KIAA0825: variants seen among roughly 807,000 people sequenced by gnomAD.
KIAA0825 encodes KIAA0825.
Under a neutral mutation model 147.6 loss-of-function variants are expected in KIAA0825, and 119 were observed. The observed-to-expected ratio is 0.81, with a 90% confidence interval of 0.69 to 0.94. KIAA0825 has a LOEUF of 0.94. Among genes scored for constraint, KIAA0825 ranks in the 40% least tolerant of loss-of-function variants. KIAA0825 has a pLI of 0.00. For synonymous variants in KIAA0825, 470 were observed against 518.1 expected, an observed-to-expected ratio of 0.91 and a Z score of 1.26; for missense variants, 1,381 against 1,472.7, an observed-to-expected ratio of 0.94 and a Z score of 1.02.
intron 20 of KIAA0825, among the ~76,000 whole-genome samples, chr5:94,284,944 A>G (rs1777606178): frequency 6.6e-6 from 1 of 152,114 alleles, no homozygotes; most frequent in Non-Finnish European, 1.5e-5. Flanking sequence ...TCAATTTCTG[A>G]TACAGAACTG....
intron 13 of KIAA0825, among the ~76,000 whole-genome samples, chr5:94,442,836 T>C (rs763109857): frequency 3.9e-5 from 6 of 152,240 alleles, no homozygotes; most frequent in East Asian, 1.9e-4. Context: ...CTTTGAGAGA[T>C]AGTCTGAAGA....
intron 20 of KIAA0825, among the ~76,000 whole-genome samples, chr5:94,163,671 G>A (rs1223089882): frequency 1.3e-5 from 2 of 151,948 alleles, no homozygotes; most frequent in Non-Finnish European, 2.9e-5. Context: ...TTTCCATTCT[G>A]GTTAATGTAA....
chr5:94,442,573 G>T (rs1219294307), intron 13 of KIAA0825, among the ~76,000 whole-genome samples: 1 of 152,088 alleles, frequency 6.6e-6, no homozygotes, highest in Non-Finnish European at 1.5e-5. Flanking sequence ...GAGCCCTTTG[G>T]ACTAAAAATC....
chr5:94,610,114 G>A (rs1457166523), intron 1 of KIAA0825, among the ~76,000 whole-genome samples: 1 of 152,152 alleles, frequency 6.6e-6, no homozygotes, highest in African/African-American at 2.4e-5. Context: ...AAGTCAAGGA[G>A]GACGGGTAAA....
chr5:94,340,736 ATACCTGTCTAACTTGAAGTAT>A (rs1458678270), intron 20 of KIAA0825, among the ~76,000 whole-genome samples: 4 of 152,254 alleles, frequency 2.6e-5, no homozygotes, highest in African/African-American at 9.6e-5. Context: ...ACAGCAAGCT[ATACCTGTCTAACTTGAAGTAT>A]CAAGCATAAA....
intron 18 of KIAA0825, 79 bp downstream of exon 18, chr5:94,391,456 G>T: frequency 7.1e-7 from 1 of 1,411,266 alleles, no homozygotes; most frequent in Non-Finnish European, 9.8e-7. Flanking sequence ...TCACCTCCTT[G>T]ACTAACCCTT....
intron 19 of KIAA0825, among the ~76,000 whole-genome samples, chr5:94,385,696 T>C (rs998632480): frequency 6.6e-6 from 1 of 152,226 alleles, no homozygotes; most frequent in African/African-American, 2.4e-5. Flanking sequence ...GTGGTGTTTA[T>C]CACATTGACT....
chr5:94,241,270 C>T (rs1426893167), intron 20 of KIAA0825, among the ~76,000 whole-genome samples: 1 of 152,200 alleles, frequency 6.6e-6, no homozygotes, highest in African/African-American at 2.4e-5. Flanking sequence ...ATTTCAGCCA[C>T]AGACTGAAGC....
chr5:94,374,137 C>A (rs565221754), intron 20 of KIAA0825, among the ~76,000 whole-genome samples: 2 of 152,066 alleles, frequency 1.3e-5, no homozygotes, highest in African/African-American at 4.8e-5. Flanking sequence ...AGTTTTTGAT[C>A]CAGTGCAAGA....
intron 20 of KIAA0825, among the ~76,000 whole-genome samples, chr5:94,179,459 G>A (rs1012603086): frequency 4.6e-5 from 7 of 152,096 alleles, no homozygotes; most frequent in African/African-American, 1.7e-4. Context: ...AAGAACAAAA[G>A]AACTGTGCAT....
chr5:94,323,886 C>G (rs1290912153), intron 20 of KIAA0825, among the ~76,000 whole-genome samples: 1 of 151,882 alleles, frequency 6.6e-6, no homozygotes, highest in African/African-American at 2.4e-5. Flanking sequence ...AACAAGACAT[C>G]CAATTTACTA....
At chr5:94,472,358 A>C (rs1213365496) in intron 8 of KIAA0825, among the ~76,000 whole-genome samples, 1 of 152,160 alleles carries the variant, frequency 6.6e-6, no homozygotes, top group Non-Finnish European at 1.5e-5. Flanking sequence ...CTATCTCCAC[A>C]TTGGATCAGT....
intron 5 of KIAA0825, among the ~76,000 whole-genome samples, chr5:94,498,893 C>T (rs1455274686): frequency 6.6e-6 from 1 of 152,186 alleles, no homozygotes; most frequent in Non-Finnish European, 1.5e-5. Flanking sequence ...CTTCTTTACA[C>T]TAAAATCTCC....
intron 1 of KIAA0825, among the ~76,000 whole-genome samples, chr5:94,590,587 AC>A (rs1439546851): frequency 3.3e-5 from 5 of 152,198 alleles, no homozygotes; most frequent in African/African-American, 1.2e-4. Flanking sequence ...AATCACCTAT[AC>A]CCCATAGCTG....
chr5:94,161,002 A>G (rs1021096167), intron 20 of KIAA0825, among the ~76,000 whole-genome samples: 5 of 152,112 alleles, frequency 3.3e-5, no homozygotes, highest in Non-Finnish European at 5.9e-5. Flanking sequence ...CACATATCCA[A>G]TTGTTGTTCA....
At chr5:94,428,143 TTGTGTGTG>T (rs61572627) in intron 14 of KIAA0825, among the ~76,000 whole-genome samples, 7,238 of 134,496 alleles carry the variant, frequency 0.054, 198 homozygotes, top group African/African-American at 0.084. Flanking sequence ...TAAGGTCTTG[TTGTGTGTG>T]TGTGTGTGTG....
intron 5 of KIAA0825, among the ~76,000 whole-genome samples, chr5:94,494,588 T>C (rs1265638138): frequency 6.6e-6 from 1 of 152,170 alleles, no homozygotes; most frequent in Non-Finnish European, 1.5e-5. Context: ...AAGACATCTC[T>C]AGTGTGATAA....
At chr5:94,425,721 T>C (rs1158280979) in intron 14 of KIAA0825, among the ~76,000 whole-genome samples, 2 of 152,224 alleles carry the variant, frequency 1.3e-5, no homozygotes, top group Non-Finnish European at 2.9e-5. Context: ...TGTACTACTT[T>C]ACATTCCCAC....
At chr5:94,546,019 C>T (rs919731855) in intron 2 of KIAA0825, among the ~76,000 whole-genome samples, 13 of 152,094 alleles carry the variant, frequency 8.5e-5, no homozygotes, top group Non-Finnish European at 1.8e-4. Context: ...GCAACATTCA[C>T]GACAAGCTGA....
Sources: allele counts gnomAD v4.1 joint callset (sites outside exome capture counted in the v4.1 genomes callset), GRCh38; gene constraint gnomAD v4.1.1; transcripts MANE v1.5; gene names NCBI Gene and HGNC (gene_info 2026-07-23, HGNC 2026-07-21).